Variants in SLC8A3 observed in about 807,000 individuals in gnomAD.
The protein encoded by SLC8A3 is solute carrier family 8 member A3, also known as sodium/calcium exchanger 3.
A neutral mutation model predicts 65.4 loss-of-function variants in SLC8A3; 37 were observed. The ratio of observed to expected loss-of-function variants is 0.57; its 90% CI spans 0.44 to 0.74. The LOEUF (loss-of-function observed/expected upper bound fraction) is 0.74. SLC8A3 is among the 30% of genes least tolerant of loss of function. The pLI is 0.00. For missense variants in SLC8A3, 1,112 were observed against 1,172.1 expected, an observed-to-expected ratio of 0.95 and a Z score of 0.75; for synonymous variants, 461 against 444.5, an observed-to-expected ratio of 1.04 and a Z score of -0.47.
At position 70,167,155 on chromosome 14, in the gene SLC8A3, C is replaced by T. The variant is rs1233142203; in HGVS notation, c.1268G>A (p.Gly423Glu). The T allele has an allele frequency of 3.7e-6, 6 of 1,614,050 alleles. No homozygotes were observed. The African/African-American group carries it at 4.0e-5, about 11-fold the overall frequency. ...CACATACATGGTCTTTGACATGTCTCCCCCTTTCCTCACCACTGTCAGGAG... is the reference window on the plus strand; with the variant it reads ...CACATACATGGTCTTTGACATGTCTTCCCCTTTCCTCACCACTGTCAGGAG... ...AVLLTVVRKGGDMSKTMYVDY... is the reference protein window; with the variant it reads ...AVLLTVVRKGEDMSKTMYVDY... Residue 423 changes from glycine (G) to glutamate (E), a missense_variant, in exon 2 of 7, where the codon GGA becomes GAA. Coordinates refer to ENST00000356921, the MANE Select transcript of SLC8A3 (RefSeq NM_182932.3).
chr14:70,106,866 G>A (rs575232185), intron 2 of SLC8A3, among the ~76,000 whole-genome samples: 146 of 152,256 alleles, frequency 9.6e-4, no homozygotes, highest in Non-Finnish European at 1.8e-3. Context: ...GCCAAACACA[G>A]GACCTGACCT....
chr14:70,170,713 G>T (rs542883942), intron 1 of SLC8A3, among the ~76,000 whole-genome samples: 1 of 152,100 alleles, frequency 6.6e-6, no homozygotes, highest in Non-Finnish European at 1.5e-5. Context: ...AATTCTCTTC[G>T]GGACACAAAA....
intron 2 of SLC8A3, among the ~76,000 whole-genome samples, chr14:70,139,876 A>G (rs542865945): frequency 1.2e-4 from 18 of 152,254 alleles, no homozygotes; most frequent in African/African-American, 4.3e-4. Flanking sequence ...AGAGGATGAA[A>G]GACAGAGTGT....
At chr14:70,130,840 T>C (rs536715710) in intron 2 of SLC8A3, among the ~76,000 whole-genome samples, 2 of 152,284 alleles carry the variant, frequency 1.3e-5, no homozygotes, top group South Asian at 4.1e-4. Context: ...AGTCTAGACT[T>C]AGAGTAAGAG....
At chr14:70,048,425 G>A (rs1278283888) in intron 6 of SLC8A3, 1 of 579,664 alleles carries the variant, frequency 1.7e-6, no homozygotes, top group Non-Finnish European at 3.1e-6. Context: ...ACTTACTTGG[G>A]CATGTAGCTT....
chr14:70,176,068 T>C (rs1897891304), intron 1 of SLC8A3, among the ~76,000 whole-genome samples: 1 of 152,344 alleles, frequency 6.6e-6, no homozygotes, highest in South Asian at 2.1e-4. Context: ...ACTAAGAGGT[T>C]GAACTTGACC....
At chr14:70,070,482 A>C (rs1228754404) in intron 2 of SLC8A3, among the ~76,000 whole-genome samples, 3 of 152,218 alleles carry the variant, frequency 2.0e-5, no homozygotes, top group Non-Finnish European at 2.9e-5. Context: ...GAATTCAAAC[A>C]GTGTGGCTCT....
At chr14:70,123,072 CCA>C (rs1566794363) in intron 2 of SLC8A3, among the ~76,000 whole-genome samples, 2 of 100,786 alleles carry the variant, frequency 2.0e-5, no homozygotes, top group Non-Finnish European at 4.2e-5. Context: ...GACTCCATCT[CCA>C]AAAAAAAAAA....
chr14:70,141,948 C>G (rs1374199996), intron 2 of SLC8A3, among the ~76,000 whole-genome samples: 4 of 152,216 alleles, frequency 2.6e-5, no homozygotes, highest in Non-Finnish European at 4.4e-5. Context: ...ACCCTAGGGT[C>G]TGTAGGTCCA....
intron 2 of SLC8A3, among the ~76,000 whole-genome samples, chr14:70,086,401 CTTTTTT>C (rs10605312): frequency 1.7e-5 from 2 of 116,142 alleles, no homozygotes; most frequent in Non-Finnish European, 3.6e-5. Context: ...TTTCTTTTTT[CTTTTTT>C]TTTTTTTTTT....
At chr14:70,181,674 A>G (rs1292316832) in intron 1 of SLC8A3, among the ~76,000 whole-genome samples, 1 of 152,202 alleles carries the variant, frequency 6.6e-6, no homozygotes, top group Non-Finnish European at 1.5e-5. Context: ...AAGGGCAAGG[A>G]AACTGTAAAA....
At position 70,166,740 on chromosome 14, in the gene SLC8A3, T is replaced by C. The variant is rs1340756147; in HGVS notation, c.1683A>G (p.Thr561=). 1.9e-5 allele frequency: 31 copies of C among 1,613,958 alleles called. No individual in the cohort carries two copies. Among genetic ancestry groups the C allele is most frequent in the Non-Finnish European group, 2.5e-5 (29 of 1,179,944 alleles). Residue 561 remains threonine, a synonymous_variant, in exon 2 of 7, where the codon ACA becomes ACG. Transcript: ENST00000356921. The stretch of plus-strand genomic sequence containing the variant: ...CTACTGTCCTAAAGGGGACGATGAC[T>C]GTACCCCGGGCACCTGATGTCCGCA... ...KVLRTSGARG[T]VIVPFRTVEG... is the part of the protein sequence containing the mutation.
At chr14:70,060,670 G>A (rs1269806605) in intron 3 of SLC8A3, 166 bp downstream of exon 3, 1 of 750,206 alleles carries the variant, frequency 1.3e-6, no homozygotes, top group Admixed American at 1.7e-5. Context: ...GAATACAGGA[G>A]GGAAAAGAAT....
intron 2 of SLC8A3, among the ~76,000 whole-genome samples, chr14:70,101,750 C>G (rs533997443): frequency 5.3e-4 from 81 of 152,298 alleles, no homozygotes; most frequent in Non-Finnish European, 1.1e-3. Context: ...GAACAGCAAA[C>G]AGTGCAAACT....
chr14:70,131,348 C>T (rs900771597), intron 2 of SLC8A3, among the ~76,000 whole-genome samples: 2 of 152,184 alleles, frequency 1.3e-5, no homozygotes, highest in African/African-American at 4.8e-5. Context: ...AGTATGGAGC[C>T]TCTGCTATGC....
At chr14:70,095,744 G>A (rs1892133534) in intron 2 of SLC8A3, among the ~76,000 whole-genome samples, 2 of 152,202 alleles carry the variant, frequency 1.3e-5, no homozygotes, top group African/African-American at 2.4e-5. Context: ...TGAGACAGAG[G>A]TGCAGAGAGA....
In SLC8A3 at chr14:70,045,825, G is replaced by A; in HGVS notation, c.*122C>T. 2 of 996,828 alleles carry A rather than the reference G, an allele frequency of 2.0e-6. No homozygotes were observed. The highest frequency in any genetic ancestry group is 2.9e-6 in the Non-Finnish European group (2 of 699,570). The allele number at this position is 996,828 out of a possible 1,614,324, so 61.7% of individuals were successfully genotyped here. On this transcript the variant is annotated 3_prime_UTR_variant, in exon 7 of 7. Transcript: ENST00000356921. ...AGGGCCTAAGTTGGGTGAAGTTCCT[G>A]GGGCTTAGGTCCTGATGCTGCCTCT... is the stretch of plus-strand genomic sequence containing the variant.
intron 2 of SLC8A3, among the ~76,000 whole-genome samples, chr14:70,110,163 C>A (rs1159036653): frequency 1.3e-5 from 2 of 152,048 alleles, no homozygotes; most frequent in South Asian, 2.1e-4. Flanking sequence ...GCATATTCAT[C>A]CCCTCAAGCA....
intron 2 of SLC8A3, among the ~76,000 whole-genome samples, chr14:70,124,832 A>G (rs1192280462): frequency 6.6e-6 from 1 of 152,256 alleles, no homozygotes; most frequent in Non-Finnish European, 1.5e-5. Flanking sequence ...GAAAAGGTTT[A>G]TAAGACTATA....
Sources: gnomAD v4.1 joint callset for allele counts (sites outside exome capture counted in the v4.1 genomes callset) on GRCh38, gnomAD v4.1.1 for gene constraint, MANE v1.5 for transcripts, NCBI Gene and HGNC (gene_info 2026-07-23, HGNC 2026-07-21) for gene names.